The following MYOM1 variants were observed in gnomAD, a reference collection of about 807,000 sequenced individuals.
MYOM1 encodes myomesin 1.
A neutral mutation model predicts 205.3 loss-of-function variants in MYOM1; 164 were observed. The ratio of observed to expected loss-of-function variants is 0.80; its 90% CI spans 0.70 to 0.91. The LOEUF (loss-of-function observed/expected upper bound fraction) is 0.91. Among genes scored for constraint, MYOM1 ranks in the 40% least tolerant of loss-of-function variants. The probability of loss-of-function intolerance (pLI) is 0.00; values close to 1 mark genes in which losing one functional copy is unlikely to be tolerated. For synonymous variants in MYOM1, 772 were observed against 789.4 expected (o/e 0.98, Z 0.37); for missense variants, 2,011 against 2,127.3 (o/e 0.95, Z 1.08).
At chr18:3,147,550 A>T (rs945324340) in intron 13 of MYOM1, among the ~76,000 whole-genome samples, 1 of 152,216 alleles carries the variant, frequency 6.6e-6, no homozygotes, top group South Asian at 2.1e-4. Flanking sequence ...CCAACACAAG[A>T]TTAGAAGACT....
At chr18:3,245,330 G>C in the MYOM1 span, among the ~76,000 whole-genome samples, 1 of 151,830 alleles carries the variant, frequency 6.6e-6, no homozygotes, top group Admixed American at 6.6e-5. Context: ...AGCTGTGATA[G>C]AACACAGCAC....
chr18:3,216,427 G>A (rs1386354189), intron 1 of MYOM1, among the ~76,000 whole-genome samples: 1 of 152,178 alleles, frequency 6.6e-6, no homozygotes, highest in Non-Finnish European at 1.5e-5. Context: ...AAGAACCAGA[G>A]AAAAACAAAG....
chr18:3,167,574 A>G (rs919810981), intron 9 of MYOM1, among the ~76,000 whole-genome samples: 2 of 152,034 alleles, frequency 1.3e-5, no homozygotes, highest in Non-Finnish European at 2.9e-5. Context: ...TGGTAGAGAC[A>G]GGGTTTCACC....
chr18:3,206,889 TATG>T (rs1469792004), intron 2 of MYOM1, among the ~76,000 whole-genome samples: 1 of 152,208 alleles, frequency 6.6e-6, no homozygotes, highest in African/African-American at 2.4e-5. Flanking sequence ...TAATAAATAT[TATG>T]ATGTCAAAAT....
intron 21 of MYOM1, among the ~76,000 whole-genome samples, chr18:3,115,511 T>C (rs1213306066): frequency 6.6e-6 from 1 of 152,166 alleles, no homozygotes; most frequent in East Asian, 1.9e-4. Context: ...TGACCTCTTC[T>C]GCCAAAAGAT....
chr18:3,176,357 T>C (rs1224818535), intron 5 of MYOM1, among the ~76,000 whole-genome samples: 1 of 152,096 alleles, frequency 6.6e-6, no homozygotes, highest in Non-Finnish European at 1.5e-5. Context: ...TAAACTTACA[T>C]GAAAAATGTT....
chr18:3,091,188 C>T (rs540604289), intron 26 of MYOM1, among the ~76,000 whole-genome samples: 8 of 151,924 alleles, frequency 5.3e-5, no homozygotes, highest in South Asian at 2.1e-4. Flanking sequence ...TGGTGGGATG[C>T]GCCTGTAATC....
At chr18:3,236,102 T>C in the MYOM1 span, among the ~76,000 whole-genome samples, 1 of 152,194 alleles carries the variant, frequency 6.6e-6, no homozygotes, top group Non-Finnish European at 1.5e-5. Flanking sequence ...AGCACTGGGC[T>C]TTTACTCTGA....
intron 19 of MYOM1, among the ~76,000 whole-genome samples, chr18:3,124,062 C>A (rs979236110): frequency 6.6e-6 from 1 of 151,240 alleles, no homozygotes; most frequent in Non-Finnish European, 1.5e-5. Context: ...GTCTCAAACT[C>A]CTGGCCTCAA....
At position 3,126,656 on chromosome 18, in the gene MYOM1, C is replaced by T. The variant is rs762746242; in HGVS notation, c.2991+45G>A. The T allele has an allele frequency of 5.8e-5, 90 of 1,548,430 alleles. No homozygotes were observed. In the Admixed American group the frequency reaches 6.7e-4, roughly 11 times the overall value. ...TGCCTGCCTGGGCGTGCAAGCATAG[C>T]GTCATACATAGGACACGCCACACTA... is the stretch of plus-strand genomic sequence containing the variant. On this transcript the variant is annotated intron_variant, in intron 19 of 37. Transcript: ENST00000356443.
the MYOM1 span, among the ~76,000 whole-genome samples, chr18:3,232,427 T>C: frequency 2.0e-5 from 3 of 151,900 alleles, no homozygotes; most frequent in Non-Finnish European, 2.9e-5. Flanking sequence ...AGAAAGCAGA[T>C]CAGTGGTTGT....
rs868218822 is a variant in MYOM1, at chr18:3,097,252, A to G, written c.3727+2907T>C. ...AAATTGCATGTGCTACTTTGATCCT[A>G]CCACCAGACCTCTGAAGATATTCAC... On this transcript the variant is annotated intron_variant, in intron 25 of 37. Transcript: ENST00000356443. Among the ~76,000 whole-genome samples the G allele has an allele frequency of 7.9e-5, 12 of 152,294 alleles. No homozygotes were observed. In the South Asian group the frequency reaches 2.3e-3, roughly 29 times the overall value.
At chr18:3,077,389 G>A (rs984935059) in intron 34 of MYOM1, among the ~76,000 whole-genome samples, 10 of 152,262 alleles carry the variant, frequency 6.6e-5, no homozygotes. Flanking sequence ...CATATTTTAA[G>A]TCTAGAGAAT....
chr18:3,234,472 T>C, the MYOM1 span, among the ~76,000 whole-genome samples: 1 of 152,180 alleles, frequency 6.6e-6, no homozygotes, highest in Non-Finnish European at 1.5e-5. Context: ...TGGAATTAAT[T>C]TTGTGACCCC....
chr18:3,197,821 C>A (rs538608911), intron 2 of MYOM1, among the ~76,000 whole-genome samples: 10 of 152,002 alleles, frequency 6.6e-5, no homozygotes, highest in Non-Finnish European at 1.3e-4. Flanking sequence ...TGCAGTGAGC[C>A]GAGATCGCAC....
chr18:3,139,323 C>T (rs1567928842), intron 14 of MYOM1, among the ~76,000 whole-genome samples: 1 of 152,110 alleles, frequency 6.6e-6, no homozygotes, highest in African/African-American at 2.4e-5. Flanking sequence ...GAGCTCAAGA[C>T]GTAAGACACC....
At chr18:3,222,918 G>A (rs1188283653), upstream of MYOM1, among the ~76,000 whole-genome samples, 1 of 151,822 alleles carries the variant, frequency 6.6e-6, no homozygotes, top group Non-Finnish European at 1.5e-5. Flanking sequence ...CTCTCGCTCT[G>A]TTGCTCAGGC....
In MYOM1 at chr18:3,151,730, C is replaced by G; in HGVS notation, c.1807G>C (p.Ala603Pro). 6.2e-7 allele frequency: 1 copy of G among 1,613,758 alleles called. No individual in the cohort carries two copies. Among genetic ancestry groups the G allele is most frequent in the Non-Finnish European group, 8.5e-7 (1 of 1,179,748 alleles). The change falls in exon 12 of 38, where the codon GCT becomes CCT. Residue 603 changes from alanine to proline, a missense_variant. Ala to Pro is a conservative substitution (Grantham distance 27). Coordinates refer to ENST00000356443, the MANE Select transcript of MYOM1 (RefSeq NM_003803.4). ...GCTTTCTCAGCCGGATCCAGAGCAG[C>G]CACGGGCTCGGAAACTCGAGATGGG... ...GFPSRVSEPV[A>P]ALDPAEKARL... is the part of the protein sequence containing the mutation.
intron 9 of MYOM1, among the ~76,000 whole-genome samples, chr18:3,164,708 G>A (rs1033857440): frequency 2.6e-5 from 4 of 152,086 alleles, no homozygotes; most frequent in Non-Finnish European, 5.9e-5. Flanking sequence ...CAGAGAAAAA[G>A]TGCAATTAAA....
Sources: gnomAD v4.1 joint callset for allele counts (sites outside exome capture counted in the v4.1 genomes callset) on GRCh38, gnomAD v4.1.1 for gene constraint, MANE v1.5 for transcripts, NCBI Gene and HGNC (gene_info 2026-07-23, HGNC 2026-07-21) for gene names.